Variants in MAST3 observed in about 807,000 individuals in gnomAD.
The protein encoded by MAST3 is microtubule-associated serine/threonine-protein kinase 3.
In MAST3, 43 loss-of-function variants were observed where a neutral mutation model predicts 127.0. That is an observed-to-expected ratio of 0.34 (90% CI 0.27 to 0.44). The LOEUF is 0.44. MAST3 is among the 20% of genes least tolerant of loss of function. The pLI is 1.00. For synonymous variants in MAST3, 785 were observed against 809.2 expected, an observed-to-expected ratio of 0.97 and a Z score of 0.51; for missense variants, 1,390 against 1,919.1, an observed-to-expected ratio of 0.72 and a Z score of 5.15.
chr19:18,147,750 T>C, intron 27 of MAST3, 126 bp downstream of exon 27: 1 of 725,242 alleles, frequency 1.4e-6, no homozygotes. Context: ...ACCGGGATCC[T>C]GGTGTCTAGC....
intron 27 of MAST3, among the ~76,000 whole-genome samples, chr19:18,148,475 GA>G (rs558348441): frequency 2.2e-4 from 32 of 144,948 alleles, no homozygotes; most frequent in East Asian, 4.0e-4. Flanking sequence ...AAACAAAAGG[GA>G]AAAAAAAAAA....
At chr19:18,131,869 G>T (rs904379338) in intron 14 of MAST3, 40 bp from the exon 15 acceptor site, 1 of 1,491,770 alleles carries the variant, frequency 6.7e-7, no homozygotes, top group Non-Finnish European at 9.1e-7. Flanking sequence ...GGGGGGCGGG[G>T]GTGCCCCGGG....
Position 18,110,058 on chromosome 19 carries a change from C to T in MAST3, c.72-594C>T. On this transcript the variant is annotated intron_variant, in intron 2 of 27. Transcript: ENST00000687212. The surrounding 1 kb of genome is among the most constrained non-coding windows in gnomAD (Gnocchi z 4.3). Reference sequence around the variant, plus strand: ...TCCCTGCGGCAGACAGGGCGGCACCCGCGGCTCCCCTTTCCCGCTGCGCGA... The same window carrying T: ...TCCCTGCGGCAGACAGGGCGGCACCTGCGGCTCCCCTTTCCCGCTGCGCGA... The T allele has an allele frequency of 1.0e-6, 1 of 985,310 alleles. No individual in the cohort carries two copies. Among genetic ancestry groups the T allele is most frequent in the Non-Finnish European group, 1.2e-6 (1 of 829,884 alleles). The allele number at this position is 985,310 out of a possible 1,614,324, so 61.0% of individuals were successfully genotyped here.
chr19:18,116,185 C>T (rs1599708373), intron 3 of MAST3, among the ~76,000 whole-genome samples: 1 of 150,872 alleles, frequency 6.6e-6, no homozygotes, highest in East Asian at 1.9e-4. Context: ...CCTCCACCTC[C>T]CGGGTACAAG....
chr19:18,120,465 G>GTGT (rs2039830556), intron 3 of MAST3, among the ~76,000 whole-genome samples: 1 of 152,186 alleles, frequency 6.6e-6, no homozygotes, highest in Non-Finnish European at 1.5e-5. Context: ...GCCATATGTA[G>GTGT]TGTCCTCCAT....
intron 1 of MAST3, among the ~76,000 whole-genome samples, chr19:18,103,271 G>C (rs1190726762): frequency 6.6e-6 from 1 of 152,182 alleles, no homozygotes; most frequent in African/African-American, 2.4e-5. Flanking sequence ...AGGCACAGTG[G>C]CTCATGCCTG....
intron 3 of MAST3, among the ~76,000 whole-genome samples, chr19:18,113,753 C>T (rs764273535): frequency 1.3e-5 from 2 of 151,890 alleles, no homozygotes; most frequent in East Asian, 1.9e-4. Context: ...TGAGCCACTG[C>T]GCCTGGCCTG....
chr19:18,145,200 G>A lies in MAST3; in HGVS notation c.3010G>A (p.Asp1004Asn), dbSNP rs767135252. 3.6e-5 allele frequency: 58 copies of A among 1,613,840 alleles called. No individual in the cohort carries two copies. The highest frequency in any genetic ancestry group is 6.7e-5 in the African/African-American group (5 of 74,932). The stretch of plus-strand genomic sequence containing the variant: ...GATCCGCGTCTACATGGGTGATAGC[G>A]ACGTCTACACTGTGCACCACGTCGT... ...RAIRVYMGDS[D>N]VYTVHHVVWS... is the part of the protein sequence containing the mutation. The change falls in exon 24 of 28, where the codon GAC (aspartate) becomes AAC (asparagine). Residue 1004 changes from aspartate to asparagine, a missense_variant. Around this residue, in one of 5 missense-constraint regions of MAST3, gnomAD observed 816 missense variants for 934.1 expected, o/e 0.87. Coordinates refer to ENST00000687212, the MANE Select transcript of MAST3 (RefSeq NM_001393504.1). The surrounding 1 kb of genome is among the most constrained non-coding windows in gnomAD (Gnocchi z 5.9).
At chr19:18,139,208 C>G (rs926857608) in intron 20 of MAST3, 84 bp downstream of exon 20, 14 of 1,122,364 alleles carry the variant, frequency 1.2e-5, no homozygotes, top group Non-Finnish European at 5.2e-6. Context: ...TTTGATTTTG[C>G]TTTGTTTTGT....
intron 3 of MAST3, among the ~76,000 whole-genome samples, chr19:18,121,012 T>G (rs1037123628): frequency 6.6e-6 from 1 of 152,052 alleles, no homozygotes; most frequent in African/African-American, 2.4e-5. Context: ...TGAGTCACCA[T>G]GCCCGACCTA....
chr19:18,111,246 G>A (rs1377911678), intron 3 of MAST3, among the ~76,000 whole-genome samples: 1 of 151,870 alleles, frequency 6.6e-6, no homozygotes, highest in African/African-American at 2.4e-5. Flanking sequence ...AGAAAACTGA[G>A]GCTCAGAGAG....
chr19:18,149,975 C>CTTT lies in MAST3; in HGVS notation c.*256_*258dup. The stretch of plus-strand genomic sequence containing the variant: ...GCAAATCCCTGCAACTAATTTATTA[C>CTTT]TTTTTTTTTCTTTTTTTTTTTTTTT... On this transcript the variant is annotated 3_prime_UTR_variant, in exon 28 of 28. Coordinates refer to ENST00000687212, the MANE Select transcript of MAST3 (RefSeq NM_001393504.1). This position sits in a 1 kb window ranked among gnomAD's most constrained non-coding sequence, Gnocchi z 5.9. The CTTT allele has an allele frequency of 3.2e-6, 1 of 315,016 alleles. No homozygotes were observed. The highest frequency in any genetic ancestry group is 6.1e-5 in the Admixed American group (1 of 16,366). The allele number at this position is 315,016 out of a possible 1,614,324, so 19.5% of individuals were successfully genotyped here.
At chr19:18,111,706 T>C (rs1041574352) in intron 3 of MAST3, among the ~76,000 whole-genome samples, 2 of 151,996 alleles carry the variant, frequency 1.3e-5, no homozygotes, top group African/African-American at 4.8e-5. Context: ...AGCTAATTTT[T>C]GTATTTTAGT....
chr19:18,100,696 G>C (rs997173995), intron 1 of MAST3, among the ~76,000 whole-genome samples: 1 of 152,210 alleles, frequency 6.6e-6, no homozygotes, highest in Non-Finnish European at 1.5e-5. Context: ...CAGGAAGCCA[G>C]AGAAATTCTA....
chr19:18,147,914 G>A (rs1030864034), intron 27 of MAST3, among the ~76,000 whole-genome samples: 1 of 152,178 alleles, frequency 6.6e-6, no homozygotes, highest in Non-Finnish European at 1.5e-5. Flanking sequence ...CCAACACTTT[G>A]GGAGCCCGAG....
Position 18,123,177 on chromosome 19 carries a change from C to T in MAST3, c.400-40C>T, listed in dbSNP as rs759901103. 21 of 1,609,502 alleles carry T rather than the reference C, an allele frequency of 1.3e-5. No individual in the cohort carries two copies. The Middle Eastern group carries it at 6.6e-4, about 51-fold the overall frequency. On this transcript the variant is annotated intron_variant, in intron 6 of 27. Transcript: ENST00000687212. ...GCTGGGTTCCTGGCCACAGCACTGA[C>T]GGTGAACTCATGGCTCTGATCCCCA... is the stretch of plus-strand genomic sequence containing the variant.
chr19:18,121,533 A>G (rs2039977676), intron 3 of MAST3, among the ~76,000 whole-genome samples, 152 bp from the exon 4 acceptor site: 1 of 152,244 alleles, frequency 6.6e-6, no homozygotes, highest in Admixed American at 6.5e-5. Flanking sequence ...GCTAAGGGCC[A>G]TGGGGGAACC....
intron 2 of MAST3, chr19:18,109,900 C>A: frequency 1.0e-6 from 1 of 973,246 alleles, no homozygotes; most frequent in Non-Finnish European, 1.2e-6. Flanking sequence ...AGGGCCGGGG[C>A]GAGGGCAGAG....
chr19:18,136,151 C>T (rs901892833), intron 18 of MAST3, among the ~76,000 whole-genome samples: 5 of 152,212 alleles, frequency 3.3e-5, no homozygotes, highest in African/African-American at 1.2e-4. Context: ...TCCCAGTTTT[C>T]CCAGCCACCT....
Sources: gnomAD v4.1 joint callset for allele counts (sites outside exome capture counted in the v4.1 genomes callset) on GRCh38, gnomAD v4.1.1 for gene constraint, gnomAD v4.1.1 regional missense constraint, Gnocchi (gnomAD v3.1) non-coding constraint, MANE v1.5 for transcripts, NCBI Gene and HGNC (gene_info 2026-07-23, HGNC 2026-07-21) for gene names.